FRMPD4: variants seen among roughly 807,000 people sequenced by gnomAD.
FRMPD4 encodes FERM and PDZ domain-containing protein 4.
FRMPD4 carries 22 observed loss-of-function variants against 94.1 expected under a neutral mutation model. That is an observed-to-expected ratio of 0.23 (90% CI 0.17 to 0.33). The LOEUF is 0.33. Ranked by LOEUF, FRMPD4 falls within the 10% of genes least tolerant of loss-of-function variation. FRMPD4 has a pLI of 1.00. For missense variants in FRMPD4, 1,111 were observed against 1,339.9 expected (o/e 0.83, Z 2.67); for synonymous variants, 631 against 548.6 (o/e 1.15, Z -2.10).
intron 3 of FRMPD4, among the ~76,000 whole-genome samples, chrX:12,095,429 C>A (rs970122541): frequency 9.1e-6 from 1 of 109,626 alleles, no homozygotes; most frequent in Non-Finnish European, 1.9e-5. Flanking sequence ...AAATGAAACT[C>A]AAATCTCAGC....
At chrX:12,228,234 C>T (rs1391593762) in intron 1 of FRMPD4, among the ~76,000 whole-genome samples, 1 of 112,187 alleles carries the variant, frequency 8.9e-6, no homozygotes, top group East Asian at 2.8e-4. Flanking sequence ...GTTTCCTTGC[C>T]TTTAGGATGC....
intron 3 of FRMPD4, among the ~76,000 whole-genome samples, chrX:12,110,210 G>C (rs961090481): frequency 8.9e-6 from 1 of 112,137 alleles, no homozygotes; most frequent in African/African-American, 3.2e-5. Flanking sequence ...ACATCAAAAA[G>C]CTTATCCACC....
rs148671664 is a variant in FRMPD4, at chrX:12,295,537, G to A, written c.41+156525G>A. 2.7e-3 allele frequency among the ~76,000 whole-genome samples: 305 copies of A among 111,685 alleles called. 1 individual carries two copies. The highest frequency in any genetic ancestry group is 9.6e-3 in the African/African-American group (295 of 30,761). ...AGTAAATATTTATTGTTTAAATATC[G>A]TGTATTTATTATTCCTTCTCCTTAC... is the stretch of plus-strand genomic sequence containing the variant. On this transcript the variant is annotated intron_variant, in intron 1 of 16. Coordinates refer to ENST00000675598, the MANE Select transcript of FRMPD4 (RefSeq NM_001368397.1).
intron 3 of FRMPD4, among the ~76,000 whole-genome samples, chrX:12,047,827 T>TA (rs1033430235): frequency 1.8e-5 from 2 of 112,445 alleles, no homozygotes; most frequent in African/African-American, 6.5e-5. Flanking sequence ...GACATGTTTT[T>TA]ATTCTTTTTT....
chrX:12,642,588 G>A (rs2059509959), intron 4 of FRMPD4, among the ~76,000 whole-genome samples: 1 of 112,913 alleles, frequency 8.9e-6, no homozygotes, highest in Admixed American at 9.3e-5. Context: ...CTACCTGTTT[G>A]TGTAAATCAA....
intron 3 of FRMPD4, among the ~76,000 whole-genome samples, chrX:12,031,670 G>A (rs747809100): frequency 1.8e-5 from 2 of 111,822 alleles, no homozygotes; most frequent in East Asian, 5.6e-4. Flanking sequence ...CAATGTCCAG[G>A]ACAGCTTCCA....
At chrX:12,271,041 G>A (rs2054347813) in intron 1 of FRMPD4, among the ~76,000 whole-genome samples, 1 of 111,891 alleles carries the variant, frequency 8.9e-6, no homozygotes, top group Non-Finnish European at 1.9e-5. Flanking sequence ...AGTGTAAATA[G>A]TCTTCCCATA....
chrX:12,305,574 TTC>T (rs1316772147), intron 1 of FRMPD4, among the ~76,000 whole-genome samples: 1 of 108,044 alleles, frequency 9.3e-6, no homozygotes, highest in Non-Finnish European at 1.9e-5. Context: ...TTTTTTTTTT[TTC>T]AGACAGAGTC....
At chrX:12,317,585 CA>C (rs376884335) in intron 1 of FRMPD4, among the ~76,000 whole-genome samples, 2,997 of 42,370 alleles carry the variant, frequency 0.071, 191 homozygotes, top group African/African-American at 0.23. Context: ...AACTAAATAG[CA>C]AAAAAAAAAA....
chrX:11,982,599 C>T (rs2054403063), intron 3 of FRMPD4, among the ~76,000 whole-genome samples: 1 of 111,484 alleles, frequency 9.0e-6, no homozygotes, highest in South Asian at 3.7e-4. Context: ...TTCATATTTT[C>T]AACTCTTTGT....
chrX:12,443,407 GT>G (rs139976053), intron 1 of FRMPD4, among the ~76,000 whole-genome samples: 21 of 111,924 alleles, frequency 1.9e-4, no homozygotes, highest in East Asian at 8.3e-4. Context: ...TATAAGCAAT[GT>G]TTTTTTAAAT....
At chrX:11,910,559 G>A (rs1467105173) in intron 3 of FRMPD4, among the ~76,000 whole-genome samples, 3 of 110,837 alleles carry the variant, frequency 2.7e-5, no homozygotes, top group Non-Finnish European at 3.8e-5. Flanking sequence ...AACTACAGGC[G>A]CGTGCCACCA....
chrX:12,243,547 T>G (rs190960400), intron 1 of FRMPD4, among the ~76,000 whole-genome samples: 139 of 111,382 alleles, frequency 1.2e-3, no homozygotes, highest in Admixed American at 3.2e-3. Flanking sequence ...AAGGTGAGAG[T>G]AAAGTTTCGG....
intron 2 of FRMPD4, among the ~76,000 whole-genome samples, chrX:12,593,616 G>A (rs2059002825): frequency 9.0e-6 from 1 of 111,411 alleles, no homozygotes; most frequent in South Asian, 3.7e-4. Context: ...CTTTTCTCTC[G>A]TGTTTTGATA....
intron 1 of FRMPD4, among the ~76,000 whole-genome samples, chrX:12,179,425 T>C (rs2056332299): frequency 8.9e-6 from 1 of 111,861 alleles, no homozygotes; most frequent in South Asian, 3.8e-4. Flanking sequence ...TTTTATAATC[T>C]ATCATAGTTG....
intron 3 of FRMPD4, among the ~76,000 whole-genome samples, chrX:11,956,631 T>A (rs775198719): frequency 1.8e-5 from 2 of 112,645 alleles, no homozygotes; most frequent in African/African-American, 6.4e-5. Context: ...ATCAATATGT[T>A]TTCTTAGCAT....
chrX:12,215,872 C>T (rs761758251), intron 1 of FRMPD4, among the ~76,000 whole-genome samples: 2 of 112,090 alleles, frequency 1.8e-5, no homozygotes, highest in African/African-American at 3.2e-5. Flanking sequence ...TGTCCCTACT[C>T]CCACCTGTTT....
intron 1 of FRMPD4, among the ~76,000 whole-genome samples, chrX:12,332,695 G>A (rs973820654): frequency 7.2e-5 from 8 of 111,362 alleles, no homozygotes; most frequent in African/African-American, 2.6e-4. Flanking sequence ...GGTTAATTGA[G>A]AAACCTGAAA....
At chrX:12,488,606 G>C (rs746986290) in intron 1 of FRMPD4, among the ~76,000 whole-genome samples, 1 of 102,475 alleles carries the variant, frequency 9.8e-6, no homozygotes. Flanking sequence ...CTATCTTTGG[G>C]TCAAATGCTA....
Sources: allele counts gnomAD v4.1 joint callset (sites outside exome capture counted in the v4.1 genomes callset), GRCh38; gene constraint gnomAD v4.1.1; transcripts MANE v1.5; gene names NCBI Gene and HGNC (gene_info 2026-07-23, HGNC 2026-07-21).